The following TRPM8 variants were observed in gnomAD, a reference collection of about 807,000 sequenced individuals.
TRPM8 encodes the protein TRPM8 cationic channel.
A neutral mutation model predicts 133.7 loss-of-function variants in TRPM8; 110 were observed. The ratio of observed to expected loss-of-function variants is 0.82; its 90% CI spans 0.70 to 0.96. The LOEUF is 0.96. TRPM8 is among the 40% of genes least tolerant of loss of function. The pLI is 0.00. For missense variants in TRPM8, 1,291 were observed against 1,379.5 expected, an observed-to-expected ratio of 0.94 and a Z score of 1.02; for synonymous variants, 535 against 532.3, an observed-to-expected ratio of 1.01 and a Z score of -0.07.
chr2:234,011,209 A>G (rs1692828483), intron 24 of TRPM8, among the ~76,000 whole-genome samples: 1 of 152,144 alleles, frequency 6.6e-6, no homozygotes, highest in African/African-American at 2.4e-5. Context: ...CAGTTTTTTC[A>G]ACACCATTTA....
chr2:234,005,295 A>G (rs1387258675), intron 22 of TRPM8, among the ~76,000 whole-genome samples: 1 of 152,154 alleles, frequency 6.6e-6, no homozygotes, highest in Non-Finnish European at 1.5e-5. Flanking sequence ...TTTTACTGCT[A>G]ATTTTCCAGC....
intron 20 of TRPM8, among the ~76,000 whole-genome samples, chr2:233,984,912 T>C (rs1692107131): frequency 6.6e-6 from 1 of 152,088 alleles, no homozygotes; most frequent in Non-Finnish European, 1.5e-5. Flanking sequence ...GGTGAAACCC[T>C]GTCTCTACTA....
At chr2:233,955,280 A>G (rs1691266349) in intron 11 of TRPM8, 30 bp downstream of exon 11, 1 of 1,561,916 alleles carries the variant, frequency 6.4e-7, no homozygotes, top group Non-Finnish European at 8.8e-7. Flanking sequence ...GGGTTATTCC[A>G]GTGTTGGGTC....
intron 15 of TRPM8, among the ~76,000 whole-genome samples, chr2:233,969,361 C>G (rs1691650191): frequency 6.6e-6 from 1 of 151,912 alleles, no homozygotes; most frequent in Admixed American, 6.6e-5. Flanking sequence ...GTGGCACATT[C>G]CTGTAATCCC....
At chr2:233,928,989 T>C (rs28946907) in intron 2 of TRPM8, among the ~76,000 whole-genome samples, 102 of 143,472 alleles carry the variant, frequency 7.1e-4, no homozygotes, top group Non-Finnish European at 1.3e-3. Context: ...TTTTTGTGAG[T>C]TTCTTTTCTT....
intron 22 of TRPM8, among the ~76,000 whole-genome samples, chr2:234,004,597 T>C (rs978814189): frequency 6.6e-6 from 1 of 152,254 alleles, no homozygotes; most frequent in African/African-American, 2.4e-5. Context: ...TCACTTTTGG[T>C]ACTTTTTTTG....
At chr2:233,987,272 T>TA in intron 21 of TRPM8, among the ~76,000 whole-genome samples, 1 of 152,338 alleles carries the variant, frequency 6.6e-6, no homozygotes, top group South Asian at 2.1e-4. Context: ...TTTTTAAATA[T>TA]AAAAAACAAA....
chr2:234,015,102 G>A (rs1184909888), intron 25 of TRPM8, among the ~76,000 whole-genome samples: 1 of 152,176 alleles, frequency 6.6e-6, no homozygotes, highest in Admixed American at 6.5e-5. Flanking sequence ...ATACAAATAT[G>A]TTAATCATCT....
chr2:233,971,572 G>A (rs1041657818), intron 17 of TRPM8, among the ~76,000 whole-genome samples: 24 of 152,106 alleles, frequency 1.6e-4, no homozygotes, highest in Admixed American at 5.9e-4. Context: ...GTGGGTTCTT[G>A]GTCTCACTAA....
In TRPM8 at chr2:233,942,719, G is replaced by T; in HGVS notation, c.670G>T (p.Asp224Tyr). ...AGCTTGGGGCATGGTCTCCAACCGG[G>T]ACACCCTCATCAGGAATTGCGATGC... ...IAAWGMVSNR[D>Y]TLIRNCDAEG... The change falls in exon 6 of 26, where the codon GAC (aspartate) becomes TAC (tyrosine). Residue 224 changes from aspartate to tyrosine, a missense_variant. Asp to Tyr is a radical substitution (Grantham distance 160). Transcript: ENST00000324695. The T allele has an allele frequency of 1.9e-6, 3 of 1,614,166 alleles. No homozygotes were observed. Among genetic ancestry groups the T allele is most frequent in the Non-Finnish European group, 2.5e-6 (3 of 1,180,030 alleles).
chr2:234,011,618 G>A (rs911723925), intron 24 of TRPM8, among the ~76,000 whole-genome samples: 2 of 151,896 alleles, frequency 1.3e-5, no homozygotes, highest in African/African-American at 4.8e-5. Flanking sequence ...CCATTTATTT[G>A]TGTCTTTTAA....
In TRPM8 at chr2:234,018,883, T is replaced by TAAATAAATAAA. The variant is rs1553673951; in HGVS notation, c.*1627_*1628insAAATAAATAAA. The TAAATAAATAAA allele has an allele frequency of 6.3e-5, 5 of 79,060 alleles. No homozygotes were observed. Among genetic ancestry groups the TAAATAAATAAA allele is most frequent in the African/African-American group, 3.1e-4 (5 of 16,272 alleles). 4.9% of individuals were successfully genotyped at this position (79,060 alleles called of 1,614,324 possible). On this transcript the variant is annotated 3_prime_UTR_variant, in exon 26 of 26. Coordinates refer to ENST00000324695, the MANE Select transcript of TRPM8 (RefSeq NM_024080.5). ...AAATAAATAAATAAATAAATAAATA[T>TAAATAAATAAA]TATGGATGGTGAAGGGAATGGTATA...
chr2:233,980,163 C>T (rs150883927), intron 17 of TRPM8, 25 bp from the exon 18 acceptor site: 456 of 1,475,814 alleles, frequency 3.1e-4, no homozygotes, highest in Non-Finnish European at 4.2e-4. Flanking sequence ...TGCTGATGTC[C>T]CTCTCTGTCC....
At chr2:233,932,202 A>G (rs1291838293) in intron 3 of TRPM8, among the ~76,000 whole-genome samples, 1 of 152,238 alleles carries the variant, frequency 6.6e-6, no homozygotes, top group Non-Finnish European at 1.5e-5. Flanking sequence ...CCAGGGCTTC[A>G]ACAACGTCGC....
intron 6 of TRPM8, among the ~76,000 whole-genome samples, chr2:233,943,687 A>T (rs1451824526): frequency 6.6e-6 from 1 of 152,216 alleles, no homozygotes; most frequent in Non-Finnish European, 1.5e-5. Flanking sequence ...CATGCTAAAA[A>T]TACAAGGTAG....
chr2:233,953,643 GACACAC>G, intron 9 of TRPM8: 8 of 235,608 alleles, frequency 3.4e-5, no homozygotes, highest in East Asian at 8.9e-5. Context: ...CAGGCTTTGT[GACACAC>G]ACACACACAC....
At chr2:233,976,446 A>G (rs1051900295) in intron 17 of TRPM8, among the ~76,000 whole-genome samples, 8 of 152,052 alleles carry the variant, frequency 5.3e-5, no homozygotes, top group Admixed American at 5.2e-4. Context: ...CTCAGGGAGG[A>G]CACAGGGCAG....
rs571289204 is a variant in TRPM8, at chr2:233,962,254, C to T, written c.1654-1028C>T. 2.0e-5 allele frequency among the ~76,000 whole-genome samples: 3 copies of T among 152,296 alleles called. No homozygotes were observed. The South Asian group carries it at 6.2e-4, about 32-fold the overall frequency. ...TTTCCAATTGCCAGCACCTGTAACTCTTTGCCGAAAGTTTGTCCTGATCAG... is the reference window on the plus strand; with the variant it reads ...TTTCCAATTGCCAGCACCTGTAACTTTTTGCCGAAAGTTTGTCCTGATCAG... On this transcript the variant is annotated intron_variant, in intron 12 of 25. Transcript: ENST00000324695.
At chr2:233,977,732 A>G (rs1033167550) in intron 17 of TRPM8, among the ~76,000 whole-genome samples, 1 of 152,226 alleles carries the variant, frequency 6.6e-6, no homozygotes, top group Non-Finnish European at 1.5e-5. Context: ...GGTGACAAGA[A>G]TGTTGACAAT....
Sources: gnomAD v4.1 joint callset for allele counts (sites outside exome capture counted in the v4.1 genomes callset) on GRCh38, gnomAD v4.1.1 for gene constraint, MANE v1.5 for transcripts, NCBI Gene and HGNC (gene_info 2026-07-23, HGNC 2026-07-21) for gene names.